The following KCNH1 variants were observed in gnomAD, a reference collection of about 807,000 sequenced individuals.
The protein encoded by KCNH1 is voltage-gated delayed rectifier potassium channel KCNH1.
A neutral mutation model predicts 69.2 loss-of-function variants in KCNH1; 27 were observed. That is an observed-to-expected ratio of 0.39 (90% CI 0.29 to 0.54). The LOEUF (loss-of-function observed/expected upper bound fraction) is 0.54, where lower values mean the gene tolerates loss of function less well. Among genes scored for constraint, KCNH1 ranks in the 20% least tolerant of loss-of-function variants. KCNH1 has a pLI of 0.68. For missense variants in KCNH1, 798 were observed against 1,261.6 expected, an observed-to-expected ratio of 0.63 and a Z score of 5.57; for synonymous variants, 456 against 487.7, an observed-to-expected ratio of 0.93 and a Z score of 0.86.
chr1:210,886,934 A>C (rs1245407027), intron 7 of KCNH1, among the ~76,000 whole-genome samples: 1 of 152,172 alleles, frequency 6.6e-6, no homozygotes, highest in Non-Finnish European at 1.5e-5. Flanking sequence ...ATGTACCTGA[A>C]ATTGACGGAG....
chr1:210,792,243 C>A (rs1041789351), intron 9 of KCNH1, among the ~76,000 whole-genome samples: 1 of 152,160 alleles, frequency 6.6e-6, no homozygotes, highest in Non-Finnish European at 1.5e-5. Context: ...TTTTCCTGAG[C>A]CTCTCTGCTA....
chr1:210,777,446 C>G (rs1429046582), intron 9 of KCNH1, among the ~76,000 whole-genome samples: 2 of 152,126 alleles, frequency 1.3e-5, no homozygotes, highest in African/African-American at 4.8e-5. Context: ...TACTTAGATT[C>G]CCTTACCAAG....
intron 2 of KCNH1, among the ~76,000 whole-genome samples, chr1:211,104,634 A>T (rs1364415495): frequency 6.6e-6 from 1 of 152,136 alleles, no homozygotes; most frequent in Non-Finnish European, 1.5e-5. Context: ...GGGGGAAAAA[A>T]ACATCTTTCA....
intron 6 of KCNH1, among the ~76,000 whole-genome samples, chr1:210,952,075 A>C (rs572330629): frequency 5.9e-5 from 9 of 152,104 alleles, no homozygotes; most frequent in African/African-American, 2.2e-4. Context: ...TCACCCAGAC[A>C]AGCTGCCTAG....
intron 10 of KCNH1, among the ~76,000 whole-genome samples, chr1:210,744,656 A>G (rs1450240533): frequency 6.6e-6 from 1 of 152,118 alleles, no homozygotes; most frequent in Non-Finnish European, 1.5e-5. Context: ...AAACAAAAAC[A>G]AAACAAAACA....
chr1:211,034,695 T>A (rs1007643925), intron 5 of KCNH1, among the ~76,000 whole-genome samples: 5 of 152,160 alleles, frequency 3.3e-5, no homozygotes, highest in Admixed American at 6.5e-5. Flanking sequence ...ATTACAAATA[T>A]TTTTAAGGGA....
At chr1:210,977,446 A>T (rs183467788) in intron 6 of KCNH1, among the ~76,000 whole-genome samples, 35 of 142,034 alleles carry the variant, frequency 2.5e-4, no homozygotes, top group South Asian at 1.9e-3. Context: ...AGTATAATTT[A>T]AAAAAAAAAA....
chr1:210,768,518 T>C (rs1009164208), intron 10 of KCNH1, among the ~76,000 whole-genome samples: 1 of 152,060 alleles, frequency 6.6e-6, no homozygotes, highest in Non-Finnish European at 1.5e-5. Flanking sequence ...CACAGCTACA[T>C]ACTTACCACA....
chr1:211,018,224 A>G (rs1251547087), intron 6 of KCNH1, among the ~76,000 whole-genome samples: 1 of 152,248 alleles, frequency 6.6e-6, no homozygotes, highest in Non-Finnish European at 1.5e-5. Flanking sequence ...AAACAGCAGT[A>G]TAATCCAAAA....
At chr1:210,734,739 T>A (rs1682831864) in intron 10 of KCNH1, among the ~76,000 whole-genome samples, 1 of 152,086 alleles carries the variant, frequency 6.6e-6, no homozygotes, top group African/African-American at 2.4e-5. Flanking sequence ...TTCTGATGGC[T>A]GACCTGCTCA....
chr1:211,093,904 A>T (rs1200565256), intron 3 of KCNH1, among the ~76,000 whole-genome samples: 1 of 152,136 alleles, frequency 6.6e-6, no homozygotes, highest in Non-Finnish European at 1.5e-5. Context: ...AAAAGGCAGG[A>T]AGGATGGCTG....
intron 7 of KCNH1, chr1:210,861,381 C>G: frequency 1.3e-6 from 1 of 778,474 alleles, no homozygotes. Flanking sequence ...ACTTGCTGGA[C>G]ACCAACAACA....
chr1:211,034,824 G>A (rs928686966), intron 5 of KCNH1, among the ~76,000 whole-genome samples: 3 of 152,092 alleles, frequency 2.0e-5, no homozygotes, highest in Admixed American at 6.6e-5. Flanking sequence ...GAACTCAAAA[G>A]AATCCACAGT....
At chr1:210,795,553 T>C (rs984480407) in intron 9 of KCNH1, among the ~76,000 whole-genome samples, 1 of 152,012 alleles carries the variant, frequency 6.6e-6, no homozygotes, top group Non-Finnish European at 1.5e-5. Context: ...ATCAAGAGAG[T>C]CAGTTGGCTT....
intron 7 of KCNH1, among the ~76,000 whole-genome samples, chr1:210,901,686 G>A (rs566134642): frequency 1.3e-5 from 2 of 152,370 alleles, no homozygotes; most frequent in Non-Finnish European, 2.9e-5. Context: ...GGGCCTGGGA[G>A]CTGGGAAGTC....
At chr1:211,070,839 GA>G (rs139518297) in intron 5 of KCNH1, among the ~76,000 whole-genome samples, 6,212 of 148,676 alleles carry the variant, frequency 0.042, 416 homozygotes, top group African/African-American at 0.15. Context: ...AAAAAATTAG[GA>G]AAAAAAAAAT....
intron 7 of KCNH1, among the ~76,000 whole-genome samples, chr1:210,874,537 T>C (rs377255833): frequency 4.6e-5 from 7 of 152,310 alleles, no homozygotes; most frequent in Middle Eastern, 3.4e-3. Context: ...ATCACAGCAC[T>C]ATTCACAAAT....
chr1:210,852,498 A>T (rs1006803327), intron 7 of KCNH1, among the ~76,000 whole-genome samples: 2 of 152,096 alleles, frequency 1.3e-5, no homozygotes, highest in African/African-American at 2.4e-5. Flanking sequence ...AGTGACTTCT[A>T]GGAAGCCTTC....
intron 7 of KCNH1, among the ~76,000 whole-genome samples, chr1:210,847,083 G>A (rs534645179): frequency 3.2e-4 from 48 of 152,308 alleles, no homozygotes; most frequent in African/African-American, 1.1e-3. Flanking sequence ...GGAAACAACA[G>A]CTGCTGGACA....
Sources: allele counts gnomAD v4.1 joint callset (sites outside exome capture counted in the v4.1 genomes callset), GRCh38; gene constraint gnomAD v4.1.1; transcripts MANE v1.5; gene names NCBI Gene and HGNC (gene_info 2026-07-23, HGNC 2026-07-21).